Variants in UTRN observed in about 807,000 individuals in gnomAD.
UTRN encodes utrophin, also known as dystrophin-related protein 1.
UTRN carries 283 observed loss-of-function variants against 463.9 expected under a neutral mutation model. The observed-to-expected ratio is 0.61, with a 90% CI of 0.55 to 0.67. The LOEUF (loss-of-function observed/expected upper bound fraction) is 0.67, where lower values mean the gene tolerates loss of function less well. Ranked by LOEUF, UTRN falls within the 30% of genes least tolerant of loss-of-function variation. The pLI is 0.00. For missense variants in UTRN, 3,922 were observed against 4,084.3 expected (o/e 0.96, Z 1.08); for synonymous variants, 1,442 against 1,431.5 (o/e 1.01, Z -0.17).
At chr6:144,294,080 A>G (rs1326327172) in intron 2 of UTRN, among the ~76,000 whole-genome samples, 5 of 151,882 alleles carry the variant, frequency 3.3e-5, no homozygotes, top group Non-Finnish European at 7.4e-5. Flanking sequence ...TTGCTGATTT[A>G]TATTTTCTAA....
intron 2 of UTRN, among the ~76,000 whole-genome samples, chr6:144,320,751 C>A (rs1032042132): frequency 3.9e-5 from 6 of 152,188 alleles, no homozygotes; most frequent in African/African-American, 1.2e-4. Context: ...TTTTTCCACC[C>A]CTTCCTTTCA....
chr6:144,700,912 G>T (rs1277258672), intron 53 of UTRN, among the ~76,000 whole-genome samples: 2 of 136,404 alleles, frequency 1.5e-5, no homozygotes, highest in Non-Finnish European at 3.1e-5. Context: ...TTTGTATTTT[G>T]TATTTTTTTT....
intron 57 of UTRN, 45 bp from the exon 58 acceptor site, chr6:144,757,883 CT>C: frequency 1.9e-6 from 3 of 1,573,762 alleles, no homozygotes; most frequent in Admixed American, 1.8e-5. Flanking sequence ...AGGTGTAAGG[CT>C]TTTTGGTTTC....
intron 2 of UTRN, among the ~76,000 whole-genome samples, chr6:144,339,469 G>T (rs1242281313): frequency 6.6e-6 from 1 of 152,004 alleles, no homozygotes; most frequent in East Asian, 1.9e-4. Context: ...TGAATTGTCT[G>T]GTTTTCATCA....
chr6:144,351,506 T>G (rs889169222), intron 2 of UTRN, among the ~76,000 whole-genome samples: 1 of 152,166 alleles, frequency 6.6e-6, no homozygotes, highest in Admixed American at 6.5e-5. Context: ...GGCCTGCAGT[T>G]GTGTGGAGGA....
At chr6:144,843,615 A>G (rs11751019) in intron 73 of UTRN, among the ~76,000 whole-genome samples, 34,104 of 152,038 alleles carry the variant, frequency 0.22, 4,317 homozygotes, top group Admixed American at 0.41. Flanking sequence ...TATACACAGT[A>G]CCTTCAATGG....
chr6:144,661,784 TA>T lies in UTRN; in HGVS notation c.7480-16618del, dbSNP rs377635187. On this transcript the variant is annotated intron_variant, in intron 51 of 74. Transcript: ENST00000367545. ...GTATTGTAATTGCTGCTATTAGTCT[TA>T]AAAGTCTAGGTCAGATACCAGGGGT... 4.9e-4 allele frequency among the ~76,000 whole-genome samples: 75 copies of T among 152,318 alleles called. No homozygotes were observed. In the East Asian group the frequency reaches 0.01, roughly 20 times the overall value.
intron 57 of UTRN, among the ~76,000 whole-genome samples, chr6:144,756,985 A>G (rs1792063215): frequency 6.6e-6 from 1 of 152,066 alleles, no homozygotes; most frequent in Admixed American, 6.6e-5. Flanking sequence ...AGAATGCTGA[A>G]TAGTTGTAAG....
chr6:144,432,284 T>A (rs1355403284), intron 9 of UTRN, among the ~76,000 whole-genome samples: 1 of 152,200 alleles, frequency 6.6e-6, no homozygotes, highest in African/African-American at 2.4e-5. Context: ...GCCTGCACAT[T>A]TTTCCTCAGT....
intron 2 of UTRN, among the ~76,000 whole-genome samples, chr6:144,307,844 T>C (rs1487794857): frequency 6.6e-6 from 1 of 152,044 alleles, no homozygotes; most frequent in Non-Finnish European, 1.5e-5. Context: ...TTAATGAAAC[T>C]TGGGCTTCAT....
chr6:144,619,520 G>A (rs914472941), intron 51 of UTRN, among the ~76,000 whole-genome samples: 2 of 152,136 alleles, frequency 1.3e-5, no homozygotes, highest in Non-Finnish European at 2.9e-5. Flanking sequence ...ACTTTTGGGT[G>A]TCTACACAGA....
chr6:144,785,713 G>A (rs1776238680), intron 61 of UTRN, among the ~76,000 whole-genome samples: 1 of 152,076 alleles, frequency 6.6e-6, no homozygotes, highest in Non-Finnish European at 1.5e-5. Flanking sequence ...TTTTTCATCT[G>A]AAAAATTGAA....
At chr6:144,844,225 G>A (rs1035307292) in intron 73 of UTRN, among the ~76,000 whole-genome samples, 5 of 151,394 alleles carry the variant, frequency 3.3e-5, no homozygotes, top group Admixed American at 3.3e-4. Context: ...ATAGAAATCA[G>A]CGTGGGAGGT....
chr6:144,672,290 CT>C (rs752185187), intron 51 of UTRN, among the ~76,000 whole-genome samples: 64 of 143,778 alleles, frequency 4.5e-4, no homozygotes, highest in Admixed American at 4.1e-4. Flanking sequence ...CTGGTGTGGA[CT>C]TTTTTTTTTT....
At chr6:144,804,275 T>A (rs1777952053) in intron 65 of UTRN, among the ~76,000 whole-genome samples, 1 of 152,176 alleles carries the variant, frequency 6.6e-6, no homozygotes, top group Non-Finnish European at 1.5e-5. Context: ...GTAGAAAATA[T>A]TGCTGAATTA....
chr6:144,842,605 A>G (rs1781683730), intron 73 of UTRN, among the ~76,000 whole-genome samples: 1 of 152,226 alleles, frequency 6.6e-6, no homozygotes, highest in Admixed American at 6.5e-5. Context: ...CAACAACAAA[A>G]TAAATGAATA....
intron 2 of UTRN, among the ~76,000 whole-genome samples, chr6:144,313,169 G>A (rs756494303): frequency 5.3e-5 from 8 of 152,124 alleles, no homozygotes; most frequent in African/African-American, 9.7e-5. Context: ...AGAGAAAAGA[G>A]AAGTAAAAAA....
chr6:144,535,959 T>C (rs551013267), intron 43 of UTRN, among the ~76,000 whole-genome samples: 100 of 152,142 alleles, frequency 6.6e-4, no homozygotes, highest in Non-Finnish European at 1.1e-3. Flanking sequence ...TTTAAATTGT[T>C]TGTAAAAATA....
At chr6:144,342,659 T>C (rs1307452549) in intron 2 of UTRN, among the ~76,000 whole-genome samples, 1 of 152,234 alleles carries the variant, frequency 6.6e-6, no homozygotes, top group African/African-American at 2.4e-5. Flanking sequence ...ATATGAAATG[T>C]ACAGAATAGG....
Sources: allele counts gnomAD v4.1 joint callset (sites outside exome capture counted in the v4.1 genomes callset), GRCh38; gene constraint gnomAD v4.1.1; transcripts MANE v1.5; gene names NCBI Gene and HGNC (gene_info 2026-07-23, HGNC 2026-07-21).